TEAD4: variants seen among roughly 807,000 people sequenced by gnomAD.
TEAD4 encodes TEA domain transcription factor 4.
A neutral mutation model predicts 52.4 loss-of-function variants in TEAD4; 36 were observed. That is an observed-to-expected ratio of 0.69 (90% CI 0.53 to 0.91). The LOEUF is 0.91. Ranked by LOEUF, TEAD4 falls within the 40% of genes least tolerant of loss-of-function variation. The pLI is 0.00. For missense variants in TEAD4, 508 were observed against 583.9 expected (o/e 0.87, Z 1.34); for synonymous variants, 220 against 231.0 (o/e 0.95, Z 0.43).
At chr12:2,999,296 C>A (rs1322766433) in intron 3 of TEAD4, among the ~76,000 whole-genome samples, 4 of 152,150 alleles carry the variant, frequency 2.6e-5, no homozygotes, top group Non-Finnish European at 5.9e-5. Context: ...CTTTTCTCCC[C>A]CCTCACTTCC....
intron 2 of TEAD4, among the ~76,000 whole-genome samples, chr12:2,987,521 G>A (rs983749323): frequency 6.6e-6 from 1 of 151,846 alleles, no homozygotes; most frequent in Admixed American, 6.6e-5. Flanking sequence ...TGCAAGCTCC[G>A]CCTCCCGGGT....
At position 2,971,324 on chromosome 12, in the gene TEAD4, G is replaced by A. The variant is rs1367475197; in HGVS notation, c.-30+11284G>A. ...CAAGCGTGTATATGTGTAAGAGAGA[G>A]GGAAGCAGACAGAGAGGAAGAGAAA... is the stretch of plus-strand genomic sequence containing the variant. On this transcript the variant is annotated intron_variant, in intron 2 of 12. Coordinates refer to ENST00000359864, the MANE Select transcript of TEAD4 (RefSeq NM_003213.4). Among the ~76,000 whole-genome samples, 4 of 152,104 alleles carry A rather than the reference G, an allele frequency of 2.6e-5. No homozygotes were observed. The East Asian group carries it at 7.7e-4, about 29-fold the overall frequency.
chr12:3,011,471 A>G (rs1275793177), intron 4 of TEAD4, among the ~76,000 whole-genome samples: 1 of 151,722 alleles, frequency 6.6e-6, no homozygotes, highest in African/African-American at 2.4e-5. Flanking sequence ...ACCTCATGTA[A>G]TCCACCCGCC....
intron 10 of TEAD4, among the ~76,000 whole-genome samples, chr12:3,027,838 G>A (rs1591596839): frequency 6.6e-6 from 1 of 152,326 alleles, no homozygotes; most frequent in East Asian, 1.9e-4. Flanking sequence ...CTGCACTGCA[G>A]CCTGGGTGAC....
intron 3 of TEAD4, among the ~76,000 whole-genome samples, chr12:2,998,063 T>G (rs1429776440): frequency 2.0e-5 from 3 of 152,172 alleles, no homozygotes; most frequent in Non-Finnish European, 4.4e-5. Flanking sequence ...GTCTGACTCC[T>G]TTAGTTACCT....
At chr12:2,982,864 G>C (rs2098235246) in intron 2 of TEAD4, among the ~76,000 whole-genome samples, 1 of 152,194 alleles carries the variant, frequency 6.6e-6, no homozygotes, top group South Asian at 2.1e-4. Context: ...GTTCTCCCCA[G>C]GTGTGTGTTC....
chr12:2,960,163 G>C (rs994196545), intron 2 of TEAD4, 123 bp downstream of exon 2: 10 of 303,378 alleles, frequency 3.3e-5, no homozygotes, highest in African/African-American at 1.8e-4. Flanking sequence ...CGGCGCGACT[G>C]AGGCTGCTGG....
chr12:2,963,243 G>C (rs575326799), intron 2 of TEAD4, among the ~76,000 whole-genome samples: 1 of 152,170 alleles, frequency 6.6e-6, no homozygotes, highest in Admixed American at 6.5e-5. Context: ...GTCTTGCCCC[G>C]GTGACTGTCA....
intron 5 of TEAD4, among the ~76,000 whole-genome samples, chr12:3,016,564 A>G (rs1324606147): frequency 6.6e-6 from 1 of 151,502 alleles, no homozygotes; most frequent in African/African-American, 2.4e-5. Flanking sequence ...ATGATTGTGC[A>G]GTACTCTAGC....
chr12:2,971,100 C>T (rs1385943733), intron 2 of TEAD4, among the ~76,000 whole-genome samples: 2 of 152,182 alleles, frequency 1.3e-5, no homozygotes, highest in Admixed American at 1.3e-4. Context: ...CTAGGTGCAG[C>T]GGGAGTATGG....
At chr12:3,006,304 G>A (rs190179423) in intron 3 of TEAD4, among the ~76,000 whole-genome samples, 6 of 152,222 alleles carry the variant, frequency 3.9e-5, no homozygotes. Context: ...ATATAGTGCA[G>A]ATAGCCCCCA....
Position 2,971,725 on chromosome 12 carries a change from A to G in TEAD4, c.-30+11685A>G, listed in dbSNP as rs112704459. ...CTCCTGACCTCATGATCTGCCCGCC[A>G]CGGCCTCCCAAAGTGCTGGGATTAC... On this transcript the variant is annotated intron_variant, in intron 2 of 12. Transcript: ENST00000359864. 8.1e-4 allele frequency among the ~76,000 whole-genome samples: 122 copies of G among 150,558 alleles called. 1 individual carries two copies. Among genetic ancestry groups the G allele is most frequent in the African/African-American group, 2.9e-3 (118 of 40,990 alleles).
At chr12:2,990,486 T>TTTTTTTTTTG in intron 2 of TEAD4, among the ~76,000 whole-genome samples, 1 of 144,586 alleles carries the variant, frequency 6.9e-6, no homozygotes, top group Admixed American at 7.0e-5. Context: ...TTTTTTTTTT[T>TTTTTTTTTTG]TTGAGATGGA....
intron 2 of TEAD4, among the ~76,000 whole-genome samples, chr12:2,964,958 A>T (rs2098219059): frequency 6.6e-6 from 1 of 152,122 alleles, no homozygotes; most frequent in South Asian, 2.1e-4. Context: ...AGGTTGCCGG[A>T]TTCTCACAGA....
At chr12:2,972,439 GTCTTATTTTACGT>G (rs537146603) in intron 2 of TEAD4, among the ~76,000 whole-genome samples, 112 of 147,286 alleles carry the variant, frequency 7.6e-4, no homozygotes, top group African/African-American at 2.5e-3. Flanking sequence ...GGATAAGAAG[GTCTTATTTTACGT>G]TCATTTTTTA....
chr12:2,998,990 G>A (rs1038085829), intron 3 of TEAD4, among the ~76,000 whole-genome samples: 4 of 152,164 alleles, frequency 2.6e-5, no homozygotes, highest in Admixed American at 6.5e-5. Flanking sequence ...TACCAGTCCC[G>A]GGGGCCGAGC....
chr12:3,019,289 A>T (rs11062460), intron 8 of TEAD4, 119 bp downstream of exon 8: 72,568 of 1,120,460 alleles, frequency 0.065, 2,743 homozygotes, highest in African/African-American at 0.12. Context: ...CGTCATGCAC[A>T]CTGACCACAC....
At chr12:2,970,556 C>T (rs565956901) in intron 2 of TEAD4, among the ~76,000 whole-genome samples, 3 of 152,230 alleles carry the variant, frequency 2.0e-5, no homozygotes, top group South Asian at 2.1e-4. Context: ...GGTAGGGGGT[C>T]GATGATGTGT....
At chr12:3,017,791 T>G (rs2098265690) in intron 6 of TEAD4, among the ~76,000 whole-genome samples, 1 of 152,146 alleles carries the variant, frequency 6.6e-6, no homozygotes. Flanking sequence ...GCTGACCACC[T>G]GGTAGCTCTG....
Sources: gnomAD v4.1 joint callset for allele counts (sites outside exome capture counted in the v4.1 genomes callset) on GRCh38, gnomAD v4.1.1 for gene constraint, MANE v1.5 for transcripts, NCBI Gene and HGNC (gene_info 2026-07-23, HGNC 2026-07-21) for gene names.